The following ATP2B3 variants were observed in gnomAD, a reference collection of about 807,000 sequenced individuals.
ATP2B3 encodes the protein ATPase plasma membrane Ca2+ transporting 3.
Under a neutral mutation model 70.8 loss-of-function variants are expected in ATP2B3, and 12 were observed. The ratio of observed to expected loss-of-function variants is 0.17; its 90% confidence interval spans 0.11 to 0.27. ATP2B3 has a LOEUF of 0.27. Among genes scored for constraint, ATP2B3 ranks in the 10% least tolerant of loss-of-function variants. ATP2B3 has a pLI of 1.00. For synonymous variants in ATP2B3, 460 were observed against 497.8 expected (o/e 0.92, Z 1.01); for missense variants, 858 against 1,118.5 (o/e 0.77, Z 3.32).
chrX:153,556,443 C>T, intron 15 of ATP2B3, 25 bp downstream of exon 15: 1 of 1,175,745 alleles, frequency 8.5e-7, no homozygotes, highest in Non-Finnish European at 1.1e-6. Context: ...ACACCCCTTT[C>T]CTGGGGTGGC....
intron 16 of ATP2B3, among the ~76,000 whole-genome samples, chrX:153,557,888 C>CCA (rs2090564484): frequency 9.3e-6 from 1 of 107,683 alleles, no homozygotes. Flanking sequence ...CAAAGCCCCC[C>CCA]CCCCCACCGT....
intron 12 of ATP2B3, among the ~76,000 whole-genome samples, chrX:153,551,313 G>A (rs1557011457): frequency 8.9e-6 from 1 of 112,349 alleles, no homozygotes; most frequent in African/African-American, 3.2e-5. Context: ...TTTCCTTGAT[G>A]ACTAACAACG....
In ATP2B3 at chrX:153,541,662, C is replaced by T. The variant is rs782229451; in HGVS notation, c.407-7C>T. The T allele has an allele frequency of 5.0e-6, 6 of 1,210,110 alleles. No homozygotes were observed. In the South Asian group the frequency reaches 7.0e-5, roughly 14 times the overall value. On this transcript the variant is annotated splice_region_variant and splice_polypyrimidine_tract_variant and intron_variant, in intron 4 of 21. Transcript: ENST00000263519. ...CCTCCACTGCTTCCCTTCTGTCCTCCGCACAGCCTGTGGGAATGTGTCGGG... is the reference window on the plus strand; with the variant it reads ...CCTCCACTGCTTCCCTTCTGTCCTCTGCACAGCCTGTGGGAATGTGTCGGG...
intron 21 of ATP2B3, chrX:153,569,852 C>T (rs781887251): frequency 5.0e-6 from 5 of 998,049 alleles, no homozygotes; most frequent in Admixed American, 2.4e-5. Context: ...TCTTGCATTC[C>T]GCTCACCGTG....
chrX:153,522,409 GC>G (rs782389017), intron 2 of ATP2B3, among the ~76,000 whole-genome samples: 154 of 112,529 alleles, frequency 1.4e-3, no homozygotes, highest in Non-Finnish European at 2.4e-3. Flanking sequence ...CACGAGGCCA[GC>G]CGGTATCTCC....
intron 2 of ATP2B3, among the ~76,000 whole-genome samples, chrX:153,521,531 C>T (rs782613079): frequency 7.6e-4 from 85 of 112,220 alleles, no homozygotes; most frequent in African/African-American, 2.2e-3. Context: ...TTTTAGAGCA[C>T]GAGGAGGTTT....
At chrX:153,553,335 G>T in intron 13 of ATP2B3, 66 bp downstream of exon 13, 2 of 1,006,116 alleles carry the variant, frequency 2.0e-6, no homozygotes, top group Admixed American at 4.8e-5. Context: ...TGTCCGGACT[G>T]GTAGGGGCGG....
At chrX:153,531,254 G>A (rs1055737093) in intron 2 of ATP2B3, among the ~76,000 whole-genome samples, 5 of 113,125 alleles carry the variant, frequency 4.4e-5, no homozygotes, top group Admixed American at 9.2e-5. Flanking sequence ...CCCTCCTTCC[G>A]TGCCCTCTCC....
At chrX:153,568,899 C>T (rs2090748907) in intron 21 of ATP2B3, among the ~76,000 whole-genome samples, 1 of 112,821 alleles carries the variant, frequency 8.9e-6, no homozygotes, top group Non-Finnish European at 1.9e-5. Flanking sequence ...TCCAGTGAGA[C>T]GGACATGAGT....
chrX:153,582,144 C>A lies in ATP2B3; in HGVS notation c.*1846C>A. 8.8e-6 allele frequency: 1 copy of A among 114,073 alleles called. No homozygotes were observed. 9.4% of individuals were successfully genotyped at this position (114,073 alleles called of 1,213,427 possible). A position where few individuals can be genotyped will look rare whatever the true frequency, so the allele number is the denominator to read the frequency against. On this transcript the variant is annotated 3_prime_UTR_variant, in exon 22 of 22. Coordinates refer to ENST00000263519, the MANE Select transcript of ATP2B3 (RefSeq NM_001001344.3). ...TGTCTCACCTCCACCGGCATCCACA[C>A]AAAACCAAACAGGAGCAGGCGTCAT...
rs200805504 is a variant in ATP2B3, at chrX:153,580,261, C to A, written c.3626C>A (p.Pro1209His). ...SATSSVFSSS[P>H]GSPLHSVETS... ...ACCTCTTCAGTGTTTTCCTCCAGTC[C>A]CGGGAGCCCGCTCCACAGCGTGGAG... Residue 1209 changes from proline to histidine, a missense_variant, in exon 22 of 22, where the codon CCC (proline) becomes CAC (histidine). Coordinates refer to ENST00000263519, the MANE Select transcript of ATP2B3 (RefSeq NM_001001344.3). The A allele has an allele frequency of 1.6e-5, 19 of 1,208,530 alleles. No homozygotes were observed. In the Middle Eastern group the frequency reaches 1.8e-3, roughly 117 times the overall value.
chrX:153,574,703 G>C (rs1430581767), intron 21 of ATP2B3: 2 of 300,475 alleles, frequency 6.7e-6, no homozygotes, highest in Admixed American at 6.6e-5. Context: ...CTGCTTCTGC[G>C]GCCCTTCTCC....
At chrX:153,529,036 C>T (rs1557000829) in intron 2 of ATP2B3, among the ~76,000 whole-genome samples, 1 of 112,536 alleles carries the variant, frequency 8.9e-6, no homozygotes, top group African/African-American at 3.2e-5. Flanking sequence ...TTCTGCCACA[C>T]ACCTCTGCGG....
intron 11 of ATP2B3, 131 bp downstream of exon 11, chrX:153,549,870 C>A: frequency 2.8e-6 from 3 of 1,064,257 alleles, no homozygotes; most frequent in Non-Finnish European, 3.7e-6. Context: ...CATCCCTGGC[C>A]TCACAGGTGG....
At chrX:153,554,517 G>A (rs145448684) in intron 13 of ATP2B3, among the ~76,000 whole-genome samples, 1 of 112,781 alleles carries the variant, frequency 8.9e-6, no homozygotes, top group East Asian at 2.8e-4. Flanking sequence ...GCCAGGCTGC[G>A]GAGGCTGGGC....
At chrX:153,544,471 C>T (rs1414684709) in intron 7 of ATP2B3, among the ~76,000 whole-genome samples, 3 of 111,800 alleles carry the variant, frequency 2.7e-5, no homozygotes, top group Non-Finnish European at 3.8e-5. Flanking sequence ...CCCCACCTGG[C>T]CCTCCTCTCC....
intron 16 of ATP2B3, among the ~76,000 whole-genome samples, chrX:153,557,391 C>T (rs985883615): frequency 8.9e-6 from 1 of 112,360 alleles, no homozygotes; most frequent in African/African-American, 3.2e-5. Context: ...CTCTGCACTT[C>T]CTTCCTGTTG....
chrX:153,547,830 T>C lies in ATP2B3; in HGVS notation c.959-5T>C. 1 of 1,186,578 alleles carries C rather than the reference T, an allele frequency of 8.4e-7. No homozygotes were observed. Among genetic ancestry groups the C allele is most frequent in the Non-Finnish European group, 1.1e-6 (1 of 880,623 alleles). ...ACCTTGGCCATGGGGTTCCTCTGTG[T>C]GCAGCTAAGAAGCAGGATGGTGCAG... is the stretch of plus-strand genomic sequence containing the variant. On this transcript the variant is annotated splice_region_variant and splice_polypyrimidine_tract_variant and intron_variant, in intron 8 of 21. Coordinates refer to ENST00000263519, the MANE Select transcript of ATP2B3 (RefSeq NM_001001344.3).
rs143902014 is a variant in ATP2B3, at chrX:153,562,472, G to A, written c.3159+230G>A. 9.1e-3 allele frequency among the ~76,000 whole-genome samples: 1,024 copies of A among 112,292 alleles called. 10 individuals are homozygous for A. Among genetic ancestry groups the A allele is most frequent in the African/African-American group, 0.03 (939 of 30,855 alleles). ...GTGACAGGGCCCAGGAAAACTGCCC[G>A]CAGCTCCCCTTTCTATGATAAGAGC... is the stretch of plus-strand genomic sequence containing the variant. On this transcript the variant is annotated intron_variant, in intron 20 of 21. Coordinates refer to ENST00000263519, the MANE Select transcript of ATP2B3 (RefSeq NM_001001344.3).
Sources: gnomAD v4.1 joint callset for allele counts (sites outside exome capture counted in the v4.1 genomes callset) on GRCh38, gnomAD v4.1.1 for gene constraint, MANE v1.5 for transcripts, NCBI Gene and HGNC (gene_info 2026-07-23, HGNC 2026-07-21) for gene names.